TASP1: variants seen among roughly 807,000 people sequenced by gnomAD.
TASP1 encodes threonine aspartase 1.
A neutral mutation model predicts 56.6 loss-of-function variants in TASP1; 16 were observed. That is an observed-to-expected ratio of 0.28 (90% CI 0.19 to 0.43). The LOEUF is 0.43. Ranked by LOEUF, TASP1 falls within the 20% of genes least tolerant of loss-of-function variation. The pLI is 1.00. For missense variants in TASP1, 393 were observed against 511.6 expected (o/e 0.77, Z 2.24); for synonymous variants, 179 against 184.2 (o/e 0.97, Z 0.23).
chr20:13,159,220 A>G, the TASP1 span, among the ~76,000 whole-genome samples: 6 of 152,312 alleles, frequency 3.9e-5, no homozygotes, highest in African/African-American at 1.4e-4. Context: ...TGAAGGTTTT[A>G]CTCTGCATCA....
At chr20:13,481,956 G>A (rs530777979) in intron 11 of TASP1, among the ~76,000 whole-genome samples, 7 of 152,070 alleles carry the variant, frequency 4.6e-5, no homozygotes, top group Non-Finnish European at 8.8e-5. Flanking sequence ...TGCTTTGGTT[G>A]CCTGCACTTG....
chr20:13,159,970 C>CT, the TASP1 span: 44,500 of 890,266 alleles, frequency 0.05, no homozygotes, highest in East Asian at 0.072. Context: ...CAACTAACCA[C>CT]TTTTTTTTTT....
chr20:13,636,348 C>CG (rs2049309703), intron 1 of TASP1, among the ~76,000 whole-genome samples: 2 of 140,726 alleles, frequency 1.4e-5, no homozygotes, highest in African/African-American at 5.3e-5. Context: ...TTAGTAGAGA[C>CG]GGGGTTTCAC....
At chr20:13,499,349 C>A (rs556721719) in intron 10 of TASP1, among the ~76,000 whole-genome samples, 1 of 151,838 alleles carries the variant, frequency 6.6e-6, no homozygotes, top group East Asian at 1.9e-4. Context: ...TGAAAAACTA[C>A]CTATTGGGTA....
chr20:13,611,079 A>G (rs1020034003), intron 4 of TASP1, among the ~76,000 whole-genome samples: 1 of 152,236 alleles, frequency 6.6e-6, no homozygotes, highest in African/African-American at 2.4e-5. Context: ...AATGGTAAAT[A>G]GACATAGAAA....
intron 4 of TASP1, among the ~76,000 whole-genome samples, chr20:13,618,683 C>T (rs2048606917): frequency 6.6e-6 from 1 of 152,036 alleles, no homozygotes. Context: ...AGCATTTGGA[C>T]AAGAAACGAG....
At chr20:13,223,557 T>C in the TASP1 span, among the ~76,000 whole-genome samples, 2 of 152,186 alleles carry the variant, frequency 1.3e-5, no homozygotes, top group Non-Finnish European at 2.9e-5. Context: ...TAAAGCAAGG[T>C]GATTATTGCA....
chr20:13,302,081 C>A, the TASP1 span, among the ~76,000 whole-genome samples: 28 of 152,128 alleles, frequency 1.8e-4, no homozygotes, highest in Non-Finnish European at 3.7e-4. Context: ...AGCAGAGGAA[C>A]AAGAGTGGCA....
intron 4 of TASP1, among the ~76,000 whole-genome samples, chr20:13,601,936 G>A (rs2047976489): frequency 7.7e-6 from 1 of 130,306 alleles, no homozygotes; most frequent in Non-Finnish European, 1.5e-5. Flanking sequence ...GAGTGCAGTG[G>A]CTCGATCTCC....
the TASP1 span, among the ~76,000 whole-genome samples, chr20:13,194,543 A>ATG: frequency 2.3e-3 from 331 of 142,392 alleles, 4 homozygotes; most frequent in East Asian, 0.01. Flanking sequence ...TCACCAAGAA[A>ATG]TGTGTGTGTG....
the TASP1 span, among the ~76,000 whole-genome samples, chr20:13,365,765 T>C: frequency 1.3e-5 from 2 of 152,280 alleles, no homozygotes; most frequent in African/African-American, 4.8e-5. Context: ...TTCGACTGAA[T>C]GGAAAACCAC....
chr20:13,304,012 C>T, the TASP1 span, among the ~76,000 whole-genome samples: 2 of 152,246 alleles, frequency 1.3e-5, no homozygotes, highest in Non-Finnish European at 2.9e-5. Context: ...GACCCAGACT[C>T]CTTCCATCTT....
chr20:13,141,487 C>T, the TASP1 span, among the ~76,000 whole-genome samples: 2,800 of 152,256 alleles, frequency 0.018, 54 homozygotes, highest in South Asian at 0.03. Context: ...TTCCTACAGC[C>T]TTTTTTCTCT....
At chr20:13,433,852 A>AC (rs1003971171) in intron 12 of TASP1, among the ~76,000 whole-genome samples, 2 of 151,618 alleles carry the variant, frequency 1.3e-5, no homozygotes, top group Non-Finnish European at 2.9e-5. Flanking sequence ...AAAAAAAAAA[A>AC]AAAAAAAACA....
chr20:13,414,118 C>T (rs1237089756), intron 13 of TASP1, among the ~76,000 whole-genome samples: 1 of 152,188 alleles, frequency 6.6e-6, no homozygotes. Context: ...TTAGTTGTCA[C>T]ATCTCTTTAG....
At chr20:13,185,105 A>C in the TASP1 span, among the ~76,000 whole-genome samples, 12 of 152,338 alleles carry the variant, frequency 7.9e-5, no homozygotes, top group African/African-American at 2.9e-4. Context: ...AGACATGAGA[A>C]GACAATAATT....
the TASP1 span, among the ~76,000 whole-genome samples, chr20:13,201,755 T>TG: frequency 7.2e-6 from 1 of 138,346 alleles, no homozygotes; most frequent in African/African-American, 2.7e-5. Context: ...GATGGTAAAC[T>TG]TTTTTTTTTT....
At chr20:13,114,512 A>G in the TASP1 span, among the ~76,000 whole-genome samples, 5 of 152,346 alleles carry the variant, frequency 3.3e-5, no homozygotes, top group Non-Finnish European at 5.9e-5. Flanking sequence ...CTCTTCTAAA[A>G]CAAATACATA....
At chr20:13,416,776 T>G (rs2042269014) in intron 13 of TASP1, among the ~76,000 whole-genome samples, 1 of 152,154 alleles carries the variant, frequency 6.6e-6, no homozygotes, top group Non-Finnish European at 1.5e-5. Flanking sequence ...TAAAATAAAA[T>G]CCACAAATCA....
Sources: gnomAD v4.1 joint callset for allele counts (sites outside exome capture counted in the v4.1 genomes callset) on GRCh38, gnomAD v4.1.1 for gene constraint, MANE v1.5 for transcripts, NCBI Gene and HGNC (gene_info 2026-07-23, HGNC 2026-07-21) for gene names.